The following CACNA1I variants were observed in gnomAD, a reference collection of about 807,000 sequenced individuals.
CACNA1I encodes calcium voltage-gated channel subunit alpha1 I.
CACNA1I carries 74 observed loss-of-function variants against 201.6 expected under a neutral mutation model. That is an observed-to-expected ratio of 0.37 (90% CI 0.30 to 0.45). CACNA1I has a LOEUF of 0.45. Ranked by LOEUF, CACNA1I falls within the 20% of genes least tolerant of loss-of-function variation. The pLI is 1.00. For missense variants in CACNA1I, 2,346 were observed against 3,138.1 expected (o/e 0.75, Z 6.03); for synonymous variants, 1,431 against 1,345.2 (o/e 1.06, Z -1.40).
intron 29 of CACNA1I, among the ~76,000 whole-genome samples, chr22:39,674,284 T>C (rs758614626): frequency 6.6e-6 from 1 of 152,186 alleles, no homozygotes; most frequent in African/African-American, 2.4e-5. Flanking sequence ...AGGGTCCACA[T>C]TGTGCCCTTG....
In CACNA1I at chr22:39,686,544, CTGA is replaced by C; in HGVS notation, c.*140_*142del. 3.4e-6 allele frequency: 2 copies of C among 585,274 alleles called. No individual in the cohort carries two copies. The highest frequency in any genetic ancestry group is 4.8e-6 in the Non-Finnish European group (2 of 414,970). 36.3% of individuals were successfully genotyped at this position (585,274 alleles called of 1,614,324 possible). A position where few individuals can be genotyped will look rare whatever the true frequency, so the allele number is the denominator to read the frequency against. The stretch of plus-strand genomic sequence containing the variant: ...AGGGCACAGGCGCCCGACAGCCGGG[CTGA>C]GCGGAGTCTGGGTTAGCCAGGCCTG... On this transcript the variant is annotated 3_prime_UTR_variant, in exon 37 of 37. Coordinates refer to ENST00000402142, the MANE Select transcript of CACNA1I (RefSeq NM_021096.4).
intron 3 of CACNA1I, among the ~76,000 whole-genome samples, chr22:39,608,456 G>T (rs555439859): frequency 1.8e-4 from 27 of 151,986 alleles, no homozygotes; most frequent in Non-Finnish European, 2.6e-4. Flanking sequence ...TTTTAAAAAA[G>T]AATTTCTATG....
chr22:39,577,779 G>A (rs1404231397), intron 1 of CACNA1I, among the ~76,000 whole-genome samples: 3 of 152,234 alleles, frequency 2.0e-5, no homozygotes, highest in South Asian at 2.1e-4. Context: ...TAGGGTTGGC[G>A]TTAGGAGATG....
intron 4 of CACNA1I, among the ~76,000 whole-genome samples, chr22:39,623,112 G>A (rs1327984432): frequency 1.3e-5 from 2 of 152,342 alleles, no homozygotes; most frequent in East Asian, 1.9e-4. Flanking sequence ...GGCATGGGAC[G>A]GGACACGGGC....
At chr22:39,606,777 C>A (rs1933233283) in intron 3 of CACNA1I, among the ~76,000 whole-genome samples, 1 of 152,188 alleles carries the variant, frequency 6.6e-6, no homozygotes, top group Non-Finnish European at 1.5e-5. Context: ...AGTGATCCAC[C>A]CTCCTCGGCC....
chr22:39,686,481 C>T lies in CACNA1I; in HGVS notation c.*76C>T. 1 of 1,065,792 alleles carries T rather than the reference C, an allele frequency of 9.4e-7. No homozygotes were observed. Among genetic ancestry groups the T allele is most frequent in the Non-Finnish European group, 1.2e-6 (1 of 840,706 alleles). 66.0% of individuals were successfully genotyped at this position (1,065,792 alleles called of 1,614,324 possible). On this transcript the variant is annotated 3_prime_UTR_variant, in exon 37 of 37. Coordinates refer to ENST00000402142, the MANE Select transcript of CACNA1I (RefSeq NM_021096.4). Reference sequence around the variant, plus strand: ...TACCTCAGGAGCCAGGAGCAGACAGCAATACTTCGTCCACACCTGGGATCG... The same window carrying T: ...TACCTCAGGAGCCAGGAGCAGACAGTAATACTTCGTCCACACCTGGGATCG...
At chr22:39,629,000 G>A (rs1056915351) in intron 4 of CACNA1I, among the ~76,000 whole-genome samples, 1 of 152,122 alleles carries the variant, frequency 6.6e-6, no homozygotes, top group Admixed American at 6.5e-5. Flanking sequence ...AGTGCTTCCT[G>A]TTCTTCCTGC....
At chr22:39,636,581 G>A (rs1178486192) in intron 5 of CACNA1I, among the ~76,000 whole-genome samples, 4 of 152,192 alleles carry the variant, frequency 2.6e-5, no homozygotes, top group African/African-American at 9.7e-5. Flanking sequence ...GTCATCCCAG[G>A]CCTGTGACTC....
In CACNA1I at chr22:39,633,279, G is replaced by C. The variant is rs145712565; in HGVS notation, c.581-1286G>C. On this transcript the variant is annotated intron_variant, in intron 4 of 36. Transcript: ENST00000402142. ...GGGAATACTGAGGTGACTTAGACAA[G>C]GGCCCTGCCCCCAGAACCTTATAGC... Among the ~76,000 whole-genome samples the C allele has an allele frequency of 4.2e-3, 634 of 152,268 alleles. 6 individuals are homozygous for C. The highest frequency in any genetic ancestry group is 0.015 in the African/African-American group (606 of 41,544).
intron 10 of CACNA1I, 76 bp from the exon 11 acceptor site, chr22:39,658,076 G>A (rs1219842155): frequency 1.3e-6 from 2 of 1,495,024 alleles, no homozygotes; most frequent in Non-Finnish European, 9.2e-7. Context: ...ACACAGCCAG[G>A]GTGGGTGTCC....
intron 26 of CACNA1I, among the ~76,000 whole-genome samples, chr22:39,671,836 G>A (rs1049009617): frequency 6.6e-6 from 1 of 152,080 alleles, no homozygotes; most frequent in East Asian, 1.9e-4. Context: ...CATTTAATTT[G>A]CATACCAGCT....
Position 39,684,620 on chromosome 22 carries a change from G to T in CACNA1I, c.6027+122G>T. 2 of 1,053,074 alleles carry T rather than the reference G, an allele frequency of 1.9e-6. No individual in the cohort carries two copies. The highest frequency in any genetic ancestry group is 2.8e-6 in the Non-Finnish European group (2 of 711,940). The allele number at this position is 1,053,074 out of a possible 1,614,324, so 65.2% of individuals were successfully genotyped here. ...CCAACCAAAGGCCGAGGGCACCACC[G>T]TGCAAGGGGGTTTGGGAACGCTGGG... On this transcript the variant is annotated intron_variant, in intron 36 of 36. Coordinates refer to ENST00000402142, the MANE Select transcript of CACNA1I (RefSeq NM_021096.4). This position sits in a 1 kb window ranked among gnomAD's most constrained non-coding sequence, Gnocchi z 4.6.
Position 39,662,209 on chromosome 22 carries a change from G to GCCACCGCCA in CACNA1I, c.3155_3163dup (p.His1052_Arg1054dup). The GCCACCGCCA allele has an allele frequency of 3.9e-6, 6 of 1,527,956 alleles. No homozygotes were observed. Among genetic ancestry groups the GCCACCGCCA allele is most frequent in the Non-Finnish European group, 5.3e-6 (6 of 1,141,176 alleles). The allele number at this position is 1,527,956 out of a possible 1,614,324, so 94.6% of individuals were successfully genotyped here. A position where few individuals can be genotyped will look rare whatever the true frequency, so the allele number is the denominator to read the frequency against. On this transcript the variant is annotated inframe_insertion, in exon 17 of 37. Coordinates refer to ENST00000402142, the MANE Select transcript of CACNA1I (RefSeq NM_021096.4). ...CATCACGGGCCCCATCTGGCGCACC[G>GCCACCGCCA]CCACCGCCACCACCGCCGGACGCTG... is the stretch of plus-strand genomic sequence containing the variant.
intron 10 of CACNA1I, among the ~76,000 whole-genome samples, chr22:39,653,892 C>T (rs1402475700): frequency 6.6e-6 from 1 of 152,160 alleles, no homozygotes; most frequent in Non-Finnish European, 1.5e-5. Context: ...GGGTGTAGGC[C>T]AGGCAGGGGC....
At chr22:39,610,649 T>G (rs1257650932) in intron 3 of CACNA1I, among the ~76,000 whole-genome samples, 2 of 152,172 alleles carry the variant, frequency 1.3e-5, no homozygotes, top group Non-Finnish European at 2.9e-5. Context: ...GTCAACTGTT[T>G]CCTCTACTGA....
intron 4 of CACNA1I, 44 bp from the exon 5 acceptor site, chr22:39,634,521 C>T: frequency 6.2e-7 from 1 of 1,605,966 alleles, no homozygotes; most frequent in Non-Finnish European, 8.5e-7. Flanking sequence ...TCTCTGGGAC[C>T]TCTGCTCCCT....
In CACNA1I at chr22:39,574,963, G is replaced by A. The variant is rs546145256; in HGVS notation, c.236+3975G>A. ...CCTGACTCAGCTCCTCTTCCAGCCCGGAGCTAGGCCCTGAGTCACCGCCTG... is the reference window on the plus strand; with the variant it reads ...CCTGACTCAGCTCCTCTTCCAGCCCAGAGCTAGGCCCTGAGTCACCGCCTG... On this transcript the variant is annotated intron_variant, in intron 1 of 36. Coordinates refer to ENST00000402142, the MANE Select transcript of CACNA1I (RefSeq NM_021096.4). 8.3e-4 allele frequency among the ~76,000 whole-genome samples: 126 copies of A among 152,348 alleles called. 4 individuals are homozygous for A. The South Asian group carries it at 0.026, about 31-fold the overall frequency.
intron 9 of CACNA1I, 72 bp downstream of exon 9, chr22:39,647,998 G>A: frequency 7.3e-7 from 1 of 1,378,398 alleles, no homozygotes; most frequent in Non-Finnish European, 1.0e-6. Context: ...GTGCTGAGAA[G>A]GAAGTCGGCA....
chr22:39,666,080 C>T lies in CACNA1I; in HGVS notation c.4104+74C>T. The T allele has an allele frequency of 6.5e-7, 1 of 1,538,532 alleles. No individual in the cohort carries two copies. The highest frequency in any genetic ancestry group is 8.8e-7 in the Non-Finnish European group (1 of 1,133,376). On this transcript the variant is annotated intron_variant, in intron 23 of 36. Transcript: ENST00000402142. This position sits in a 1 kb window ranked among gnomAD's most constrained non-coding sequence, Gnocchi z 4.1. ...GCCAGTGGCTCTGGGAATCACAGAC[C>T]TGGCTTGTCTTGCACTGCCAGGACT... is the stretch of plus-strand genomic sequence containing the variant.
Sources: allele counts gnomAD v4.1 joint callset (sites outside exome capture counted in the v4.1 genomes callset), GRCh38; gene constraint gnomAD v4.1.1; non-coding constraint Gnocchi (gnomAD v3.1); transcripts MANE v1.5; gene names NCBI Gene and HGNC (gene_info 2026-07-23, HGNC 2026-07-21).